NUMB: variants seen among roughly 807,000 people sequenced by gnomAD.
NUMB encodes protein numb homolog.
NUMB carries 29 observed loss-of-function variants against 59.7 expected under a neutral mutation model. The ratio of observed to expected loss-of-function variants is 0.49; its 90% CI spans 0.36 to 0.66. NUMB has a LOEUF of 0.66. NUMB is among the 30% of genes least tolerant of loss of function. NUMB has a pLI of 0.00. For missense variants in NUMB, 723 were observed against 822.0 expected (o/e 0.88, Z 1.47); for synonymous variants, 288 against 288.2 (o/e 1.00, Z 0.01).
intron 9 of NUMB, chr14:73,284,960 G>A (rs767963812): frequency 6.6e-6 from 1 of 152,220 alleles, no homozygotes; most frequent in African/African-American, 2.4e-5. Flanking sequence ...TGATTCTCCT[G>A]CCTCAGACTC....
chr14:73,284,216 C>T lies in NUMB; in HGVS notation c.814G>A (p.Ala272Thr). Residue 272 changes from alanine to threonine, a missense_variant, in exon 10 of 13, where the codon GCT (alanine) becomes ACT (threonine). Ala to Thr is a moderately conservative substitution (Grantham distance 58, BLOSUM62 0). This residue lies in a region of NUMB where 317 missense variants were observed against 436.6 expected (regional missense o/e 0.73). Transcript: ENST00000555238. ...PRRHAPIEQL[A>T]RQGSFRGFPA... ...AAACCTCGGAAAGAGCCTTGGCGAG[C>T]AAGCTGTTCAATTGGAGCATGCCGG... is the stretch of plus-strand genomic sequence containing the variant. The T allele has an allele frequency of 1.2e-6, 2 of 1,614,168 alleles. No individual in the cohort carries two copies.
At chr14:73,377,603 A>T (rs1895014476) in intron 2 of NUMB, among the ~76,000 whole-genome samples, 2 of 152,018 alleles carry the variant, frequency 1.3e-5, no homozygotes, top group Non-Finnish European at 1.5e-5. Context: ...TCATGCCATT[A>T]CACTCCAGCC....
chr14:73,355,303 A>G (rs1893721740), intron 4 of NUMB, among the ~76,000 whole-genome samples: 1 of 152,220 alleles, frequency 6.6e-6, no homozygotes, highest in African/African-American at 2.4e-5. Flanking sequence ...TAGTAAGCAT[A>G]TTCCACTGAA....
In NUMB at chr14:73,277,393, C is replaced by T. The variant is rs549541689; in HGVS notation, c.1241-100G>A. The T allele has an allele frequency of 5.4e-6, 5 of 923,730 alleles. No individual in the cohort carries two copies. In the African/African-American group the frequency reaches 6.7e-5, roughly 12 times the overall value. 57.2% of individuals were successfully genotyped at this position (923,730 alleles called of 1,614,324 possible). A position where few individuals can be genotyped will look rare whatever the true frequency, so the allele number is the denominator to read the frequency against. On this transcript the variant is annotated intron_variant, in intron 12 of 12. Coordinates refer to ENST00000555238, the MANE Select transcript of NUMB (RefSeq NM_001005743.2). ...AATGATCCTAACATGTACAACATGT[C>T]CCCCCCTAATGGGACATTTTGTGGT...
At chr14:73,425,140 G>A (rs1234334449) in intron 1 of NUMB, among the ~76,000 whole-genome samples, 2 of 150,460 alleles carry the variant, frequency 1.3e-5, no homozygotes, top group Non-Finnish European at 3.0e-5. Flanking sequence ...CTTCTATGGT[G>A]TCTCTATGAC....
chr14:73,406,203 T>C (rs1896665814), intron 2 of NUMB, among the ~76,000 whole-genome samples: 1 of 151,684 alleles, frequency 6.6e-6, no homozygotes, highest in African/African-American at 2.4e-5. Flanking sequence ...TATTAACTCA[T>C]CATTTACATT....
At chr14:73,380,853 T>C (rs1895201483) in intron 2 of NUMB, among the ~76,000 whole-genome samples, 1 of 151,870 alleles carries the variant, frequency 6.6e-6, no homozygotes, top group Admixed American at 6.6e-5. Context: ...ACCTCCCAAG[T>C]AGCTGGGATT....
At chr14:73,401,601 G>A (rs1199509582) in intron 2 of NUMB, among the ~76,000 whole-genome samples, 2 of 125,906 alleles carry the variant, frequency 1.6e-5, no homozygotes, top group East Asian at 4.4e-4. Context: ...ACGGAGTCTC[G>A]CTCTGTCGCC....
intron 4 of NUMB, among the ~76,000 whole-genome samples, chr14:73,350,235 G>A (rs1446756959): frequency 4.0e-5 from 6 of 148,304 alleles, no homozygotes; most frequent in African/African-American, 1.0e-4. Flanking sequence ...GTGCAGTGGC[G>A]TGATCTCAGC....
At chr14:73,418,681 G>T (rs1308052701) in intron 1 of NUMB, among the ~76,000 whole-genome samples, 1 of 151,938 alleles carries the variant, frequency 6.6e-6, no homozygotes, top group East Asian at 1.9e-4. Context: ...TGAGACAAGA[G>T]AATCGCTTGA....
intron 2 of NUMB, among the ~76,000 whole-genome samples, chr14:73,370,658 C>G (rs950782418): frequency 7.2e-5 from 11 of 151,836 alleles, no homozygotes; most frequent in African/African-American, 2.7e-4. Flanking sequence ...TGCCACTGCA[C>G]TCCGGCCTGG....
intron 6 of NUMB, among the ~76,000 whole-genome samples, chr14:73,299,685 A>G (rs774869132): frequency 8.5e-5 from 13 of 152,078 alleles, no homozygotes; most frequent in Non-Finnish European, 1.5e-4. Context: ...AGTAGAAGTT[A>G]GACTAGAATG....
intron 2 of NUMB, among the ~76,000 whole-genome samples, chr14:73,374,968 G>A (rs1006011217): frequency 1.3e-5 from 2 of 151,828 alleles, no homozygotes; most frequent in Non-Finnish European, 1.5e-5. Flanking sequence ...TGATCTGCCC[G>A]CTTCGGACAC....
At chr14:73,369,186 T>C (rs1194918031) in intron 2 of NUMB, among the ~76,000 whole-genome samples, 1 of 151,694 alleles carries the variant, frequency 6.6e-6, no homozygotes, top group Non-Finnish European at 1.5e-5. Context: ...GGATTACAGG[T>C]GCTCGCCACC....
rs541603378 is a variant in NUMB at position 73,318,895 on chromosome 14, G to A, written c.202-2473C>T. On this transcript the variant is annotated intron_variant, in intron 5 of 12. Coordinates refer to ENST00000555238, the MANE Select transcript of NUMB (RefSeq NM_001005743.2). ...AGTATGCAGATGACTTCCAATTGAA[G>A]TTAATGTAATTCTAAATTGTAAGAG... Among the ~76,000 whole-genome samples, 26 of 152,286 alleles carry A rather than the reference G, an allele frequency of 1.7e-4. No homozygotes were observed. The South Asian group carries it at 1.9e-3, about 11-fold the overall frequency.
intron 4 of NUMB, among the ~76,000 whole-genome samples, chr14:73,345,074 T>C (rs1008618785): frequency 2.0e-5 from 3 of 152,120 alleles, no homozygotes; most frequent in African/African-American, 2.4e-5. Context: ...CTATTCACAA[T>C]AGCAAAGATA....
Position 73,277,009 on chromosome 14 carries a change from G to A in NUMB, c.1525C>T (p.Gln509Ter). The part of the protein sequence containing the change: ...PALQPAFVPA[Q>*]SYPVANGMPY... ...ATTCCATTGGCCACAGGATAGGACTGGGCAGGGACAAAGGCTGGTTGCAGG... is the reference window on the plus strand; with the variant it reads ...ATTCCATTGGCCACAGGATAGGACTAGGCAGGGACAAAGGCTGGTTGCAGG... Residue 509 changes from glutamine (Q) to a stop codon, truncating the protein, a stop_gained, in exon 13 of 13, where the codon CAG becomes TAG. Transcript: ENST00000555238. LOFTEE classifies it high-confidence loss of function. 1.9e-6 allele frequency: 3 copies of A among 1,614,150 alleles called. No homozygotes were observed.
At chr14:73,409,408 C>G (rs982591692) in intron 2 of NUMB, 22 of 152,152 alleles carry the variant, frequency 1.4e-4, no homozygotes, top group African/African-American at 4.8e-4. Context: ...TGCCAACAGC[C>G]CAGGCTGAGG....
chr14:73,315,887 G>A (rs1891058933), intron 6 of NUMB, among the ~76,000 whole-genome samples: 1 of 151,822 alleles, frequency 6.6e-6, no homozygotes, highest in South Asian at 2.1e-4. Flanking sequence ...TCATTTATTG[G>A]AATTTCTTTA....
Sources: gnomAD v4.1 joint callset for allele counts (sites outside exome capture counted in the v4.1 genomes callset) on GRCh38, gnomAD v4.1.1 for gene constraint, gnomAD v4.1.1 regional missense constraint, MANE v1.5 for transcripts, NCBI Gene and HGNC (gene_info 2026-07-23, HGNC 2026-07-21) for gene names.